Variants in CADM2 observed in about 807,000 individuals in gnomAD.
CADM2 encodes cell adhesion molecule 2, also known as immunoglobulin superfamily member 4D.
Under a neutral mutation model 49.8 loss-of-function variants are expected in CADM2, and 12 were observed. That is an observed-to-expected ratio of 0.24 (90% CI 0.15 to 0.39). The LOEUF is 0.39. CADM2 is among the 10% of genes least tolerant of loss of function. The pLI is 1.00. For missense variants in CADM2, 378 were observed against 492.3 expected (o/e 0.77, Z 2.20); for synonymous variants, 214 against 175.4 (o/e 1.22, Z -1.74).
At chr3:86,010,746 T>G (rs1369155903) in intron 8 of CADM2, among the ~76,000 whole-genome samples, 1 of 151,396 alleles carries the variant, frequency 6.6e-6, no homozygotes, top group Non-Finnish European at 1.5e-5. Flanking sequence ...GACTTTAGAA[T>G]TTATAAAGTC....
At chr3:85,742,644 C>G (rs2068444161) in intron 2 of CADM2, among the ~76,000 whole-genome samples, 2 of 152,098 alleles carry the variant, frequency 1.3e-5, no homozygotes, top group South Asian at 4.1e-4. Context: ...AAAACAGATA[C>G]TTTGAAGCTA....
At chr3:85,140,179 G>C (rs1442455940) in intron 1 of CADM2, among the ~76,000 whole-genome samples, 1 of 152,094 alleles carries the variant, frequency 6.6e-6, no homozygotes, top group African/African-American at 2.4e-5. Context: ...CACTCTACCG[G>C]GTTCTCTTGG....
At chr3:85,145,645 C>G (rs1055033103) in intron 1 of CADM2, among the ~76,000 whole-genome samples, 5 of 151,972 alleles carry the variant, frequency 3.3e-5, no homozygotes, top group Admixed American at 3.3e-4. Flanking sequence ...GTTTGGCAGG[C>G]AAAAGAATCA....
intron 2 of CADM2, among the ~76,000 whole-genome samples, chr3:85,758,987 T>C (rs2069246494): frequency 6.6e-6 from 1 of 152,082 alleles, no homozygotes. Flanking sequence ...TACTCATACC[T>C]AATAAAGTCC....
At chr3:85,391,016 C>A (rs537829835) in intron 1 of CADM2, among the ~76,000 whole-genome samples, 1 of 152,038 alleles carries the variant, frequency 6.6e-6, no homozygotes, top group South Asian at 2.1e-4. Context: ...TAGGAATAAT[C>A]TGGTTTAATT....
At chr3:85,652,514 C>A (rs1161418141) in intron 1 of CADM2, among the ~76,000 whole-genome samples, 1 of 152,140 alleles carries the variant, frequency 6.6e-6, no homozygotes, top group Non-Finnish European at 1.5e-5. Context: ...CTTCTACTCT[C>A]ACTTGTAGTA....
At chr3:85,218,289 A>G (rs1013622314) in intron 1 of CADM2, among the ~76,000 whole-genome samples, 15 of 152,292 alleles carry the variant, frequency 9.8e-5, no homozygotes, top group African/African-American at 3.6e-4. Flanking sequence ...AAATAAAAAA[A>G]TCCAAACTCC....
Position 85,706,927 on chromosome 3 carries a change from G to T in CADM2, c.62-19595G>T, listed in dbSNP as rs1181307219. ...ATGGTACAAATATAATTATGCATATGTATCTGAATGTGTACCTATACAAGT... is the reference window on the plus strand; with the variant it reads ...ATGGTACAAATATAATTATGCATATTTATCTGAATGTGTACCTATACAAGT... On this transcript the variant is annotated intron_variant, in intron 1 of 9. Transcript: ENST00000383699. Among the ~76,000 whole-genome samples, 3 of 152,106 alleles carry T rather than the reference G, an allele frequency of 2.0e-5. No homozygotes were observed. In the South Asian group the frequency reaches 6.2e-4, roughly 31 times the overall value.
At chr3:85,827,098 A>G (rs1364314857) in intron 3 of CADM2, among the ~76,000 whole-genome samples, 1 of 151,970 alleles carries the variant, frequency 6.6e-6, no homozygotes, top group Non-Finnish European at 1.5e-5. Context: ...GCTGAAAAGC[A>G]CCATTAATAC....
rs1028484633 is a variant in CADM2 at position 85,079,353 on chromosome 3, A to G, written c.61+119685A>G. 2.6e-5 allele frequency among the ~76,000 whole-genome samples: 4 copies of G among 151,956 alleles called. No individual in the cohort carries two copies. In the South Asian group the frequency reaches 6.2e-4, roughly 24 times the overall value. ...ATCTTATATTGACATGAACTTTTGT[A>G]TGTGAACTTATAAAATGCATGTGGG... On this transcript the variant is annotated intron_variant, in intron 1 of 9. Coordinates refer to ENST00000383699, the MANE Select transcript of CADM2 (RefSeq NM_001167675.2).
Position 85,427,200 on chromosome 3 carries a change from A to ATATATT in CADM2, c.62-299321_62-299320insATATTT, listed in dbSNP as rs1491378560. Among the ~76,000 whole-genome samples, 340 of 126,566 alleles carry ATATATT rather than the reference A, an allele frequency of 2.7e-3. 6 individuals are homozygous for ATATATT. The highest frequency in any genetic ancestry group is 0.019 in the Middle Eastern group (4 of 214). 83.0% of individuals were successfully genotyped at this position (126,566 alleles called of 152,430 possible). On this transcript the variant is annotated intron_variant, in intron 1 of 9. Transcript: ENST00000383699. ...TATATATATATATATATATATATATATGTATAATAAGTTTGTAGCTACCAT... is the reference window on the plus strand; with the variant it reads ...TATATATATATATATATATATATATATATATTTGTATAATAAGTTTGTAGCTACCAT...
At chr3:85,618,898 A>C (rs903808224) in intron 1 of CADM2, among the ~76,000 whole-genome samples, 1 of 151,986 alleles carries the variant, frequency 6.6e-6, no homozygotes, top group Admixed American at 6.6e-5. Flanking sequence ...TCTGTAAAAG[A>C]GGCATAGTTG....
At chr3:85,239,536 T>C (rs1223337743) in intron 1 of CADM2, among the ~76,000 whole-genome samples, 1 of 151,658 alleles carries the variant, frequency 6.6e-6, no homozygotes, top group African/African-American at 2.4e-5. Flanking sequence ...ACGAATTTAA[T>C]ACTAAATCTA....
At chr3:85,099,269 T>G (rs1209639035) in intron 1 of CADM2, among the ~76,000 whole-genome samples, 1 of 152,044 alleles carries the variant, frequency 6.6e-6, no homozygotes. Context: ...GAGAAGGAAG[T>G]GTAAAGAAAA....
At chr3:85,659,367 TTG>T (rs1456618977) in intron 1 of CADM2, among the ~76,000 whole-genome samples, 1 of 152,052 alleles carries the variant, frequency 6.6e-6, no homozygotes, top group African/African-American at 2.4e-5. Context: ...GATGCAGACT[TTG>T]TGTTAGTCAT....
chr3:84,990,997 T>A (rs1402990305), intron 1 of CADM2, among the ~76,000 whole-genome samples: 1 of 152,030 alleles, frequency 6.6e-6, no homozygotes, highest in Admixed American at 6.6e-5. Flanking sequence ...TTTCAGTAAA[T>A]GCCAAAAGAA....
intron 1 of CADM2, among the ~76,000 whole-genome samples, chr3:85,665,311 C>T (rs546753684): frequency 6.6e-6 from 1 of 151,512 alleles, no homozygotes; most frequent in Non-Finnish European, 1.5e-5. Context: ...AATACATCTC[C>T]AACTTTATTA....
intron 1 of CADM2, among the ~76,000 whole-genome samples, chr3:85,614,080 CAATT>C (rs1316500996): frequency 1.3e-5 from 2 of 151,110 alleles, no homozygotes; most frequent in African/African-American, 4.9e-5. Flanking sequence ...ATGTTGAAAA[CAATT>C]AAAATATAAA....
At chr3:85,445,062 A>T (rs1262085666) in intron 1 of CADM2, among the ~76,000 whole-genome samples, 1 of 152,170 alleles carries the variant, frequency 6.6e-6, no homozygotes, top group Non-Finnish European at 1.5e-5. Flanking sequence ...AAATGAGTAC[A>T]TATACTGTGT....
Sources: allele counts gnomAD v4.1 joint callset (sites outside exome capture counted in the v4.1 genomes callset), GRCh38; gene constraint gnomAD v4.1.1; transcripts MANE v1.5; gene names NCBI Gene and HGNC (gene_info 2026-07-23, HGNC 2026-07-21).